KCNK9: variants seen among roughly 807,000 people sequenced by gnomAD.
KCNK9 encodes the protein potassium two pore domain channel subfamily K member 9.
Under a neutral mutation model 10.8 loss-of-function variants are expected in KCNK9, and 1 was observed. That is an observed-to-expected ratio of 0.09 (90% CI 0.03 to 0.44). The LOEUF (loss-of-function observed/expected upper bound fraction) is 0.44, where lower values mean the gene tolerates loss of function less well. KCNK9 is among the 20% of genes least tolerant of loss of function. The probability of loss-of-function intolerance (pLI) is 0.97; values close to 1 mark genes in which losing one functional copy is unlikely to be tolerated. For synonymous variants in KCNK9, 231 were observed against 222.7 expected, an observed-to-expected ratio of 1.04 and a Z score of -0.33; for missense variants, 303 against 515.0, an observed-to-expected ratio of 0.59 and a Z score of 3.98.
At chr8:139,667,375 G>A (rs1268672176) in intron 1 of KCNK9, among the ~76,000 whole-genome samples, 1 of 151,954 alleles carries the variant, frequency 6.6e-6, no homozygotes, top group East Asian at 1.9e-4. Context: ...GGAGAAAATT[G>A]GACAAGTGTG....
intron 1 of KCNK9, among the ~76,000 whole-genome samples, chr8:139,694,662 C>T (rs1333291724): frequency 4.6e-5 from 7 of 152,240 alleles, no homozygotes; most frequent in Non-Finnish European, 8.8e-5. Context: ...GGCCCAGCAT[C>T]CCTCTTGTCA....
chr8:139,687,790 A>G (rs1816853684), intron 1 of KCNK9, among the ~76,000 whole-genome samples: 1 of 151,020 alleles, frequency 6.6e-6, no homozygotes, highest in Admixed American at 6.6e-5. Context: ...CTCAAGGCCA[A>G]TCTTGTTTTA....
chr8:139,638,824 T>C (rs969638943), intron 1 of KCNK9, among the ~76,000 whole-genome samples: 2 of 152,286 alleles, frequency 1.3e-5, no homozygotes, highest in South Asian at 2.1e-4. Context: ...AAACACATGA[T>C]ACATAGAGGC....
chr8:139,607,854 G>A (rs1187720047), downstream of KCNK9, among the ~76,000 whole-genome samples: 1 of 152,166 alleles, frequency 6.6e-6, no homozygotes, highest in Non-Finnish European at 1.5e-5. Flanking sequence ...TATCTACCTG[G>A]AAGACACCTG....
At chr8:139,679,678 T>TA (rs1298331963) in intron 1 of KCNK9, among the ~76,000 whole-genome samples, 1 of 152,164 alleles carries the variant, frequency 6.6e-6, no homozygotes, top group Non-Finnish European at 1.5e-5. Context: ...ACACAGCCTG[T>TA]ATGAGAGGGT....
chr8:139,644,721 C>CT (rs1554622189), intron 1 of KCNK9, among the ~76,000 whole-genome samples: 2 of 150,440 alleles, frequency 1.3e-5, no homozygotes, highest in African/African-American at 4.9e-5. Context: ...CCTGTCCCCC[C>CT]CCCCCAGAGC....
intron 1 of KCNK9, among the ~76,000 whole-genome samples, chr8:139,683,045 A>C (rs10046614): frequency 0.031 from 4,728 of 152,260 alleles, 256 homozygotes; most frequent in African/African-American, 0.11. Context: ...GGAAGAGGGC[A>C]TCTACAATTC....
intron 1 of KCNK9, among the ~76,000 whole-genome samples, chr8:139,646,299 A>G (rs1815676668): frequency 6.6e-6 from 1 of 152,210 alleles, no homozygotes; most frequent in Non-Finnish European, 1.5e-5. Context: ...GCAAAGCCCA[A>G]CACCAACAAC....
chr8:139,635,337 G>A (rs1815306141), intron 1 of KCNK9, among the ~76,000 whole-genome samples: 1 of 152,242 alleles, frequency 6.6e-6, no homozygotes, highest in Non-Finnish European at 1.5e-5. Flanking sequence ...TTTTCTACAT[G>A]TGACATAGCA....
At chr8:139,682,344 G>C (rs1816707837) in intron 1 of KCNK9, among the ~76,000 whole-genome samples, 2 of 152,184 alleles carry the variant, frequency 1.3e-5, no homozygotes, top group Admixed American at 1.3e-4. Flanking sequence ...ATGAAGAAGA[G>C]AGTCCCTGCT....
At chr8:139,643,349 G>A (rs146413488) in intron 1 of KCNK9, among the ~76,000 whole-genome samples, 1,593 of 152,260 alleles carry the variant, frequency 0.01, 18 homozygotes, top group Non-Finnish European at 0.016. Flanking sequence ...TCCTTCACCC[G>A]GACTGGGGGG....
chr8:139,630,766 C>T (rs1479343611), intron 1 of KCNK9, among the ~76,000 whole-genome samples: 1 of 152,186 alleles, frequency 6.6e-6, no homozygotes, highest in African/African-American at 2.4e-5. Flanking sequence ...AGCAGGAGGC[C>T]GACAGCAGGG....
At chr8:139,604,234 G>C (rs1586617766) in intron 2 of KCNK9, among the ~76,000 whole-genome samples, 1 of 152,224 alleles carries the variant, frequency 6.6e-6, no homozygotes, top group Admixed American at 6.5e-5. Context: ...GTAGAGCTGT[G>C]AATGAATAAA....
chr8:139,676,504 A>T (rs1277095866), intron 1 of KCNK9, among the ~76,000 whole-genome samples: 1 of 152,220 alleles, frequency 6.6e-6, no homozygotes, highest in Non-Finnish European at 1.5e-5. Context: ...TACCTGGAAA[A>T]TGAGAAGTTT....
At chr8:139,604,300 C>A (rs1817437376) in intron 2 of KCNK9, among the ~76,000 whole-genome samples, 1 of 152,152 alleles carries the variant, frequency 6.6e-6, no homozygotes, top group Admixed American at 6.5e-5. Flanking sequence ...CTGGGGGAGA[C>A]ACAATAGACG....
At chr8:139,623,246 C>T (rs186186586) in intron 1 of KCNK9, among the ~76,000 whole-genome samples, 13 of 152,332 alleles carry the variant, frequency 8.5e-5, no homozygotes, top group Non-Finnish European at 1.8e-4. Flanking sequence ...ACCTGTGTGA[C>T]AGCTCAAGTC....
chr8:139,663,726 C>A (rs1442421163), intron 1 of KCNK9, among the ~76,000 whole-genome samples: 1 of 151,038 alleles, frequency 6.6e-6, no homozygotes, highest in Non-Finnish European at 1.5e-5. Context: ...TGTGCCAATT[C>A]CAGCCTTAAC....
At chr8:139,662,654 T>A (rs568907246) in intron 1 of KCNK9, among the ~76,000 whole-genome samples, 37 of 152,076 alleles carry the variant, frequency 2.4e-4, no homozygotes, top group Admixed American at 8.5e-4. Context: ...TTCCAGCTGC[T>A]CCTGGCCTTG....
Position 139,687,403 on chromosome 8 carries a change from T to C in KCNK9, c.283+15307A>G, listed in dbSNP as rs1365435205. Among the ~76,000 whole-genome samples the C allele has an allele frequency of 6.0e-4, 55 of 91,306 alleles. 1 individual carries two copies. Among genetic ancestry groups the C allele is most frequent in the African/African-American group, 1.9e-3 (50 of 26,636 alleles). 59.9% of individuals were successfully genotyped at this position (91,306 alleles called of 152,430 possible). ...ATATATGAATATATATGTGTATACATATATATTCATATATGTGTATACATA... is the reference window on the plus strand; with the variant it reads ...ATATATGAATATATATGTGTATACACATATATTCATATATGTGTATACATA... On this transcript the variant is annotated intron_variant, in intron 1 of 1. Transcript: ENST00000520439.
Sources: gnomAD v4.1 joint callset for allele counts (sites outside exome capture counted in the v4.1 genomes callset) on GRCh38, gnomAD v4.1.1 for gene constraint, MANE v1.5 for transcripts, NCBI Gene and HGNC (gene_info 2026-07-23, HGNC 2026-07-21) for gene names.